IL26: variants seen among roughly 807,000 people sequenced by gnomAD.
The protein encoded by IL26 is interleukin-26.
A neutral mutation model predicts 21.7 loss-of-function variants in IL26; 23 were observed. The ratio of observed to expected loss-of-function variants is 1.06; its 90% confidence interval spans 0.76 to 1.50. The LOEUF (loss-of-function observed/expected upper bound fraction) is 1.50. Ranked by LOEUF, IL26 falls within the 40% of genes most tolerant of loss-of-function variation. IL26 has a pLI of 0.00. For synonymous variants in IL26, 63 were observed against 67.8 expected, an observed-to-expected ratio of 0.93 and a Z score of 0.34; for missense variants, 204 against 196.0, an observed-to-expected ratio of 1.04 and a Z score of -0.24.
intron 3 of IL26, among the ~76,000 whole-genome samples, chr12:68,224,605 G>C (rs1376812405): frequency 5.3e-5 from 8 of 150,632 alleles, no homozygotes; most frequent in Non-Finnish European, 1.2e-4. Context: ...GAAGGAAAGA[G>C]AGAGAGAAAG....
chr12:68,211,346 T>A (rs928125695), intron 3 of IL26, among the ~76,000 whole-genome samples: 1 of 152,214 alleles, frequency 6.6e-6, no homozygotes, highest in Non-Finnish European at 1.5e-5. Context: ...TTGGCTACTG[T>A]GGCTAGTGCT....
intron 3 of IL26, among the ~76,000 whole-genome samples, chr12:68,220,902 G>T (rs567110345): frequency 1.3e-5 from 2 of 152,364 alleles, no homozygotes; most frequent in South Asian, 4.1e-4. Context: ...CTCCCAAAGT[G>T]CTGGGATTGT....
chr12:68,215,602 G>A (rs1186885843), intron 3 of IL26, among the ~76,000 whole-genome samples: 1 of 152,072 alleles, frequency 6.6e-6, no homozygotes, highest in Non-Finnish European at 1.5e-5. Flanking sequence ...GAATTTGTCA[G>A]CAAAACAATT....
At chr12:68,203,289 T>C (rs1406820699) in intron 3 of IL26, among the ~76,000 whole-genome samples, 1 of 152,126 alleles carries the variant, frequency 6.6e-6, no homozygotes, top group East Asian at 1.9e-4. Flanking sequence ...CCCACAAATT[T>C]CTATAGGACT....
intron 3 of IL26, among the ~76,000 whole-genome samples, chr12:68,223,913 T>C (rs1189232777): frequency 6.6e-6 from 1 of 151,402 alleles, no homozygotes; most frequent in Non-Finnish European, 1.5e-5. Context: ...GCTTGTTTTT[T>C]TCTTTTTAAC....
At position 68,201,822 on chromosome 12, in the gene IL26, A is replaced by T. The variant is rs1165118765; in HGVS notation, c.*23T>A. ...CTTATTGTATTTCAAAATAACTGTA[A>T]AATCAATGTACTTGGCTTTGGTTTA... On this transcript the variant is annotated 3_prime_UTR_variant, in exon 5 of 5. Transcript: ENST00000229134. The T allele has an allele frequency of 4.1e-6, 6 of 1,477,146 alleles. No homozygotes were observed. In the African/African-American group the frequency reaches 5.7e-5, roughly 14 times the overall value. The allele number at this position is 1,477,146 out of a possible 1,614,324, so 91.5% of individuals were successfully genotyped here. A position where few individuals can be genotyped will look rare whatever the true frequency, so the allele number is the denominator to read the frequency against.
At chr12:68,223,777 T>C (rs1329685265) in intron 3 of IL26, among the ~76,000 whole-genome samples, 1 of 151,990 alleles carries the variant, frequency 6.6e-6, no homozygotes, top group Non-Finnish European at 1.5e-5. Context: ...ATCAGTGTTG[T>C]AATTTTAATA....
In IL26 at chr12:68,225,466, T is replaced by C. The variant is rs753066367; in HGVS notation, c.206A>G (p.Lys69Arg). The change falls in exon 2 of 5, where the codon AAG becomes AGG. Residue 69 changes from lysine to arginine, a missense_variant. Lys to Arg is a conservative substitution (Grantham distance 26). Transcript: ENST00000229134. Reference sequence around the variant, plus strand: ...TACCATAAACTGCTTTTTTGTTTTCTTTTTTAATAATCGTATATTTTTTAT... The same window carrying C: ...TACCATAAACTGCTTTTTTGTTTTCCTTTTTAATAATCGTATATTTTTTAT... ...DRIKNIRLLK[K>R]KTKKQFMKNC... 5.7e-6 allele frequency: 9 copies of C among 1,587,708 alleles called. No homozygotes were observed. The highest frequency in any genetic ancestry group is 1.1e-5 in the South Asian group (1 of 89,902).
intron 3 of IL26, among the ~76,000 whole-genome samples, chr12:68,207,089 T>A (rs1868564574): frequency 6.6e-6 from 1 of 152,216 alleles, no homozygotes; most frequent in Non-Finnish European, 1.5e-5. Flanking sequence ...GCATTTTCAA[T>A]AGGAGATTTT....
chr12:68,216,386 C>A (rs114343572), intron 3 of IL26, among the ~76,000 whole-genome samples: 2,697 of 152,226 alleles, frequency 0.018, 72 homozygotes, highest in African/African-American at 0.061. Flanking sequence ...CTTAAGAGAA[C>A]CACTCCTTCG....
intron 3 of IL26, among the ~76,000 whole-genome samples, chr12:68,204,126 T>G (rs1488521935): frequency 6.7e-6 from 1 of 150,284 alleles, no homozygotes; most frequent in Non-Finnish European, 1.5e-5. Context: ...TAAAATCATG[T>G]GTTAGGATTC....
At position 68,224,533 on chromosome 12, in the gene IL26, A is replaced by G. The variant is rs541961818; in HGVS notation, c.363+616T>C. On this transcript the variant is annotated intron_variant, in intron 3 of 4. Transcript: ENST00000229134. ...AAAAGGGGCACAAATATTTTTTTAAAAACATAAGTAAATAAGAAAAAGGGC... is the reference window on the plus strand; with the variant it reads ...AAAAGGGGCACAAATATTTTTTTAAGAACATAAGTAAATAAGAAAAAGGGC... Among the ~76,000 whole-genome samples, 6 of 152,056 alleles carry G rather than the reference A, an allele frequency of 3.9e-5. No individual in the cohort carries two copies. The South Asian group carries it at 1.2e-3, about 32-fold the overall frequency.
At chr12:68,213,440 G>C (rs1419142803) in intron 3 of IL26, among the ~76,000 whole-genome samples, 1 of 152,016 alleles carries the variant, frequency 6.6e-6, no homozygotes, top group Non-Finnish European at 1.5e-5. Context: ...AAGAGTTTGG[G>C]TAGAATTGGA....
chr12:68,210,905 A>T (rs1257403918), intron 3 of IL26, among the ~76,000 whole-genome samples: 2 of 152,246 alleles, frequency 1.3e-5, no homozygotes, highest in Non-Finnish European at 2.9e-5. Flanking sequence ...CATGTGAATT[A>T]AATTCCGAAC....
At chr12:68,206,362 A>G (rs962768035) in intron 3 of IL26, among the ~76,000 whole-genome samples, 2 of 152,166 alleles carry the variant, frequency 1.3e-5, no homozygotes, top group African/African-American at 4.8e-5. Context: ...GAGATGTTGT[A>G]TATGGGGGCA....
chr12:68,225,111 C>A, intron 3 of IL26, 38 bp downstream of exon 3: 1 of 1,564,686 alleles, frequency 6.4e-7, no homozygotes. Flanking sequence ...AAACAGGTTT[C>A]TAGGATCAAA....
At chr12:68,202,141 T>G in intron 3 of IL26, 58 bp from the exon 4 acceptor site, 1 of 1,081,688 alleles carries the variant, frequency 9.2e-7, no homozygotes, top group East Asian at 2.5e-5. Context: ...ATGATACTCT[T>G]TCATTCATTC....
chr12:68,214,546 T>C (rs1366632854), intron 3 of IL26, among the ~76,000 whole-genome samples: 1 of 152,238 alleles, frequency 6.6e-6, no homozygotes, highest in African/African-American at 2.4e-5. Context: ...TTATAATTGT[T>C]ATATCCTCTA....
At chr12:68,203,258 G>A (rs529149317) in intron 3 of IL26, among the ~76,000 whole-genome samples, 7 of 152,260 alleles carry the variant, frequency 4.6e-5, no homozygotes, top group African/African-American at 1.7e-4. Flanking sequence ...ACAGGAGAAA[G>A]TTAATATCCT....
Sources: gnomAD v4.1 joint callset for allele counts (sites outside exome capture counted in the v4.1 genomes callset) on GRCh38, gnomAD v4.1.1 for gene constraint, MANE v1.5 for transcripts, NCBI Gene and HGNC (gene_info 2026-07-23, HGNC 2026-07-21) for gene names.